CDON: variants seen among roughly 807,000 people sequenced by gnomAD.
CDON encodes cell adhesion associated, oncogene regulated.
In CDON, 73 loss-of-function variants were observed where a neutral mutation model predicts 120.9. That is an observed-to-expected ratio of 0.60 (90% CI 0.50 to 0.73). The LOEUF (loss-of-function observed/expected upper bound fraction) is 0.73, where lower values mean the gene tolerates loss of function less well. CDON is among the 30% of genes least tolerant of loss of function. CDON has a pLI of 0.00. For synonymous variants in CDON, 566 were observed against 573.5 expected (o/e 0.99, Z 0.19); for missense variants, 1,470 against 1,587.3 (o/e 0.93, Z 1.26).
intron 15 of CDON, among the ~76,000 whole-genome samples, chr11:125,985,571 C>T (rs658305): frequency 0.26 from 40,011 of 152,062 alleles, 5,572 homozygotes; most frequent in African/African-American, 0.34. Flanking sequence ...ATGGAAAGCA[C>T]TTAGAGCCTG....
Position 125,983,950 on chromosome 11 carries a change from G to A in CDON, c.2917C>T (p.Leu973=), listed in dbSNP as rs1240129867. 3 of 1,614,148 alleles carry A rather than the reference G, an allele frequency of 1.9e-6. No individual in the cohort carries two copies. In the Admixed American group the frequency reaches 5.0e-5, roughly 27 times the overall value. Residue 973 remains leucine (L), a synonymous_variant, in exon 16 of 20, where the codon CTG becomes TTG. Coordinates refer to ENST00000531738, the MANE Select transcript of CDON (RefSeq NM_001378964.1). ...ATCAGAATGAGGACCATGACGCCCA[G>A]CACACAGCCAACGATCAGATATAAC... ...DMLYLIVGCV[L]GVMVLILMVF...
intron 1 of CDON, among the ~76,000 whole-genome samples, chr11:126,055,261 A>G (rs1948654902): frequency 6.6e-6 from 1 of 152,134 alleles, no homozygotes; most frequent in South Asian, 2.1e-4. Context: ...AAGTTTGAGG[A>G]GGAGGATGGA....
At position 126,015,470 on chromosome 11, in the gene CDON, C is replaced by T; in HGVS notation, c.969G>A (p.Val323=). 2 of 1,614,046 alleles carry T rather than the reference C, an allele frequency of 1.2e-6. No homozygotes were observed. The highest frequency in any genetic ancestry group is 1.7e-6 in the Non-Finnish European group (2 of 1,179,946). The change falls in exon 7 of 20, where the codon GTG becomes GTA. Residue 323 remains valine, a synonymous_variant. Transcript: ENST00000531738. ...SISKGLQDQI[V]SLGATVHFTC... is the part of the protein sequence containing the mutation. The stretch of plus-strand genomic sequence containing the variant: ...TAAAGTGTACTGTGGCACCCAGAGA[C>T]ACTATCTGATCCTGTAGTCCTTTAG...
intron 1 of CDON, among the ~76,000 whole-genome samples, chr11:126,050,065 C>T (rs1048625514): frequency 3.3e-5 from 5 of 151,916 alleles, no homozygotes; most frequent in African/African-American, 4.8e-5. Flanking sequence ...AATGAAATGA[C>T]TTCTTTAGAA....
At chr11:125,999,740 T>A in intron 11 of CDON, among the ~76,000 whole-genome samples, 1 of 152,160 alleles carries the variant, frequency 6.6e-6, no homozygotes, top group East Asian at 1.9e-4. Flanking sequence ...CCATCCACAC[T>A]GTCACTCCCC....
chr11:125,977,636 C>G (rs986177851), intron 18 of CDON, among the ~76,000 whole-genome samples: 2 of 152,024 alleles, frequency 1.3e-5, no homozygotes, highest in Admixed American at 1.3e-4. Flanking sequence ...TTTAATACAA[C>G]AAAAAGCTTG....
In CDON at chr11:126,015,463, C is replaced by A. The variant is rs1205001369; in HGVS notation, c.976G>T (p.Gly326Cys). 2 of 1,613,854 alleles carry A rather than the reference C, an allele frequency of 1.2e-6. No homozygotes were observed. The highest frequency in any genetic ancestry group is 1.7e-6 in the Non-Finnish European group (2 of 1,179,916). ...KGLQDQIVSL[G>C]ATVHFTCDVH... ...TCGCAGGTAAAGTGTACTGTGGCAC[C>A]CAGAGACACTATCTGATCCTGTAGT... The change falls in exon 7 of 20, where the codon GGT becomes TGT. Residue 326 changes from glycine to cysteine, a missense_variant. By Grantham distance (159) the Gly-to-Cys change is radical. Coordinates refer to ENST00000531738, the MANE Select transcript of CDON (RefSeq NM_001378964.1).
Position 126,000,021 on chromosome 11 carries a change from G to A in CDON, c.2158+1698C>T, listed in dbSNP as rs1035226060. On this transcript the variant is annotated intron_variant, in intron 11 of 19. Transcript: ENST00000531738. ...CGTTCTCCTTTGAAGTTTAGCTTAT[G>A]ATGCAGAGAAGCCTCTCTTATCTAC... Among the ~76,000 whole-genome samples the A allele has an allele frequency of 1.1e-3, 174 of 152,266 alleles. 1 individual carries two copies. The highest frequency in any genetic ancestry group is 3.9e-4 in the Admixed American group (6 of 15,282).
chr11:126,017,141 G>A lies in CDON; in HGVS notation c.875C>T (p.Ala292Val), dbSNP rs751341846. 41 of 1,613,904 alleles carry A rather than the reference G, an allele frequency of 2.5e-5. No homozygotes were observed. Among genetic ancestry groups the A allele is most frequent in the South Asian group, 7.7e-5 (7 of 91,082 alleles). The change falls in exon 6 of 20, where the codon GCG becomes GTG. Residue 292 changes from alanine to valine, a missense_variant. Coordinates refer to ENST00000531738, the MANE Select transcript of CDON (RefSeq NM_001378964.1). Reference sequence around the variant, plus strand: ...TTTTACATCTCCAGACTTGTTTCCCGCCATGCAGGAATAGTTTCCGGAGTC... The same window carrying A: ...TTTTACATCTCCAGACTTGTTTCCCACCATGCAGGAATAGTTTCCGGAGTC... ...PADSGNYSCM[A>V]GNKSGDVKYV...
rs372269894 is a variant in CDON at position 126,004,058 on chromosome 11, T to C, written c.1870A>G (p.Met624Val). Residue 624 changes from methionine to valine, a missense_variant, in exon 10 of 20, where the codon ATG becomes GTG. Met to Val is a conservative substitution (Grantham distance 21). Coordinates refer to ENST00000531738, the MANE Select transcript of CDON (RefSeq NM_001378964.1). ...CGAACCGTGTGCCAGCTTCCCAGCA[T>C]GCCAACCCCATCATCCAGCTGCCCA... ...KYRKLDDGVG[M>V]LGSWHTVRVP... 2 of 1,613,860 alleles carry C rather than the reference T, an allele frequency of 1.2e-6. No homozygotes were observed. The highest frequency in any genetic ancestry group is 2.2e-5 in the East Asian group (1 of 44,828).
At chr11:126,020,932 T>C (rs1328439363) in intron 3 of CDON, among the ~76,000 whole-genome samples, 1 of 151,978 alleles carries the variant, frequency 6.6e-6, no homozygotes, top group Non-Finnish European at 1.5e-5. Flanking sequence ...CACAAAGAAA[T>C]TGTTCAGAAT....
At chr11:125,987,234 T>G (rs1328561103) in intron 15 of CDON, among the ~76,000 whole-genome samples, 1 of 151,914 alleles carries the variant, frequency 6.6e-6, no homozygotes, top group African/African-American at 2.4e-5. Flanking sequence ...TTAACACTGA[T>G]AGGAAGAGAC....
intron 8 of CDON, among the ~76,000 whole-genome samples, chr11:126,009,065 CAG>C (rs1392350522): frequency 6.6e-6 from 1 of 152,162 alleles, no homozygotes; most frequent in Admixed American, 6.5e-5. Context: ...GATGAGGAAA[CAG>C]AACAGAGAAG....
chr11:126,032,370 A>G (rs1947966650), intron 1 of CDON, among the ~76,000 whole-genome samples: 2 of 152,038 alleles, frequency 1.3e-5, no homozygotes, highest in Non-Finnish European at 2.9e-5. Context: ...GTAGAATCAG[A>G]GTAAGGATGT....
chr11:125,996,381 A>G (rs1275083090), intron 12 of CDON, among the ~76,000 whole-genome samples: 1 of 152,178 alleles, frequency 6.6e-6, no homozygotes, highest in Admixed American at 6.6e-5. Context: ...ACGATAAAAT[A>G]TGGGGAATAT....
At chr11:126,015,022 G>A in intron 7 of CDON, 1 of 569,194 alleles carries the variant, frequency 1.8e-6, no homozygotes. Flanking sequence ...AGAATCTGTT[G>A]AAAATTTTTT....
intron 5 of CDON, 49 bp from the exon 6 acceptor site, chr11:126,017,424 A>T: frequency 6.4e-7 from 1 of 1,573,050 alleles, no homozygotes; most frequent in Non-Finnish European, 8.7e-7. Context: ...TTCGATTCTA[A>T]TCTCTTGCTT....
chr11:125,981,577 A>G (rs1946302870), intron 16 of CDON, among the ~76,000 whole-genome samples: 1 of 152,254 alleles, frequency 6.6e-6, no homozygotes, highest in African/African-American at 2.4e-5. Context: ...ACATGCTTTA[A>G]TAAAGTTACT....
At chr11:125,989,525 G>T in intron 15 of CDON, 112 bp downstream of exon 15, 2 of 1,021,902 alleles carry the variant, frequency 2.0e-6, no homozygotes, top group Non-Finnish European at 3.0e-6. Context: ...GACAGAGTGA[G>T]ACCGTGTCTC....
Sources: allele counts gnomAD v4.1 joint callset (sites outside exome capture counted in the v4.1 genomes callset), GRCh38; gene constraint gnomAD v4.1.1; transcripts MANE v1.5; gene names NCBI Gene and HGNC (gene_info 2026-07-23, HGNC 2026-07-21).